TDO2: variants seen among roughly 807,000 people sequenced by gnomAD.
The protein encoded by TDO2 is tryptophan 2,3-dioxygenase.
In TDO2, 63 loss-of-function variants were observed where a neutral mutation model predicts 61.2. That is an observed-to-expected ratio of 1.03 (90% CI 0.84 to 1.27). TDO2 has a LOEUF of 1.27. Ranked by LOEUF, TDO2 falls within the 50% of genes most tolerant of loss-of-function variation. The pLI, the probability that TDO2 is intolerant of heterozygous loss-of-function variation, is 0.00. For synonymous variants in TDO2, 183 were observed against 164.0 expected (o/e 1.12, Z -0.89); for missense variants, 494 against 469.5 (o/e 1.05, Z -0.48).
chr4:155,912,496 T>A, intron 7 of TDO2, among the ~76,000 whole-genome samples: 1 of 152,162 alleles, frequency 6.6e-6, no homozygotes, highest in South Asian at 2.1e-4. Flanking sequence ...TAATGACTAC[T>A]ACTTATTCTT....
In TDO2 at chr4:155,910,214, A is replaced by G; in HGVS notation, c.618+3A>G. On this transcript the variant is annotated splice_donor_region_variant and intron_variant, in intron 6 of 11. Coordinates refer to ENST00000536354, the MANE Select transcript of TDO2 (RefSeq NM_005651.4). ...AGACACTTCTGGAATTAGTGGAGGTATGGATTCATACAATTTATAAAGTTT... is the reference window on the plus strand; with the variant it reads ...AGACACTTCTGGAATTAGTGGAGGTGTGGATTCATACAATTTATAAAGTTT... 1.3e-6 allele frequency: 2 copies of G among 1,558,718 alleles called. No individual in the cohort carries two copies. The highest frequency in any genetic ancestry group is 1.7e-6 in the Non-Finnish European group (2 of 1,160,442).
rs1742741289 is a variant in TDO2, at chr4:155,907,638, C to T, written c.233-84C>T. On this transcript the variant is annotated intron_variant, in intron 3 of 11. Transcript: ENST00000536354. Reference sequence around the variant, plus strand: ...TAAGGTAACATTTTAATTTCTCTTTCAACATGTTAAACATATCTTTCATAT... The same window carrying T: ...TAAGGTAACATTTTAATTTCTCTTTTAACATGTTAAACATATCTTTCATAT... The T allele has an allele frequency of 3.6e-6, 3 of 828,174 alleles. No individual in the cohort carries two copies. The South Asian group carries it at 4.7e-5, about 13-fold the overall frequency. The allele number at this position is 828,174 out of a possible 1,614,324, so 51.3% of individuals were successfully genotyped here. A position where few individuals can be genotyped will look rare whatever the true frequency, so the allele number is the denominator to read the frequency against.
Position 155,919,689 on chromosome 4 carries a change from A to T in TDO2, c.1068-148A>T, listed in dbSNP as rs1013527084. The T allele has an allele frequency of 1.2e-5, 8 of 645,364 alleles. No homozygotes were observed. In the Admixed American group the frequency reaches 2.1e-4, roughly 17 times the overall value. 40.0% of individuals were successfully genotyped at this position (645,364 alleles called of 1,614,324 possible). A position where few individuals can be genotyped will look rare whatever the true frequency, so the allele number is the denominator to read the frequency against. ...CAATACTAATACTACATAATACCTA[A>T]TTTAATATATGATATATACAACATG... On this transcript the variant is annotated intron_variant, in intron 11 of 11. Transcript: ENST00000536354.
chr4:155,912,167 C>T (rs1328912978), intron 7 of TDO2, among the ~76,000 whole-genome samples: 1 of 152,158 alleles, frequency 6.6e-6, no homozygotes, highest in Non-Finnish European at 1.5e-5. Context: ...AGTCATGCTA[C>T]TTGGGTTCCA....
In TDO2 at chr4:155,918,200, G is replaced by A. The variant is rs151132024; in HGVS notation, c.1028G>A (p.Gly343Asp). The A allele has an allele frequency of 1.5e-3, 2,485 of 1,614,110 alleles. 1 individual carries two copies. Among genetic ancestry groups the A allele is most frequent in the Admixed American group, 2.3e-3 (137 of 60,028 alleles). Reference sequence around the variant, plus strand: ...ATGCTGGGCAGCAAAGCTGGCACCGGTGGTTCCTCAGGCTATCACTACCTG... The same window carrying A: ...ATGCTGGGCAGCAAAGCTGGCACCGATGGTTCCTCAGGCTATCACTACCTG... ...HRMLGSKAGT[G>D]GSSGYHYLRS... The change falls in exon 11 of 12, where the codon GGT becomes GAT. Residue 343 changes from glycine (G) to aspartate (D), a missense_variant. By Grantham distance (94) the Gly-to-Asp change is moderately conservative. Coordinates refer to ENST00000536354, the MANE Select transcript of TDO2 (RefSeq NM_005651.4).
At chr4:155,910,644 G>A (rs149097570) in intron 6 of TDO2, among the ~76,000 whole-genome samples, 112 of 152,112 alleles carry the variant, frequency 7.4e-4, no homozygotes, top group Non-Finnish European at 1.5e-3. Flanking sequence ...CTCAGAAAAT[G>A]TTCCCTTCAT....
chr4:155,918,848 GGT>G (rs1029233869), intron 11 of TDO2: 3 of 152,088 alleles, frequency 2.0e-5, no homozygotes, highest in African/African-American at 7.2e-5. Flanking sequence ...AAACTTCTGT[GGT>G]CCCTTGAAAA....
At chr4:155,917,626 ACT>A in intron 10 of TDO2, 152 bp downstream of exon 10, 1 of 573,100 alleles carries the variant, frequency 1.7e-6, no homozygotes, top group African/African-American at 1.9e-5. Flanking sequence ...CTTGGCCATC[ACT>A]CTCTCCCAGG....
intron 8 of TDO2, among the ~76,000 whole-genome samples, chr4:155,915,097 A>C (rs956304353): frequency 6.6e-6 from 1 of 152,162 alleles, no homozygotes; most frequent in African/African-American, 2.4e-5. Context: ...CTTTCGGCAC[A>C]ATTAGTACTG....
At chr4:155,907,265 T>C (rs928817016) in intron 3 of TDO2, 5 of 152,854 alleles carry the variant, frequency 3.3e-5, no homozygotes, top group African/African-American at 1.2e-4. Flanking sequence ...GACAAAATGC[T>C]GCATTTTAAG....
At chr4:155,913,094 C>G (rs1579329314) in intron 7 of TDO2, among the ~76,000 whole-genome samples, 1 of 152,082 alleles carries the variant, frequency 6.6e-6, no homozygotes, top group African/African-American at 2.4e-5. Flanking sequence ...TCGTTTTTCA[C>G]CTGGACTATA....
intron 10 of TDO2, 73 bp downstream of exon 10, chr4:155,917,547 G>A: frequency 8.0e-7 from 1 of 1,242,804 alleles, no homozygotes; most frequent in Non-Finnish European, 1.1e-6. Context: ...GGTCTTCTGT[G>A]TGCCCTCCTG....
chr4:155,908,881 CT>C lies in TDO2; in HGVS notation c.304-4del. 1 of 1,607,442 alleles carries C rather than the reference CT, an allele frequency of 6.2e-7. No individual in the cohort carries two copies. The highest frequency in any genetic ancestry group is 2.2e-5 in the East Asian group (1 of 44,526). On this transcript the variant is annotated splice_polypyrimidine_tract_variant and splice_region_variant and intron_variant, in intron 4 of 11. Transcript: ENST00000536354. ...CTAACTCAGTGTTTCATTTCTTAAC[CT>C]TCAGGTCAGAGATGAAAGGAACATG...
At chr4:155,916,348 T>C (rs890861178) in intron 9 of TDO2, among the ~76,000 whole-genome samples, 2 of 127,442 alleles carry the variant, frequency 1.6e-5, no homozygotes, top group African/African-American at 5.7e-5. Context: ...TTTTGTATTT[T>C]TAGTAGAGAC....
chr4:155,911,734 G>A, intron 7 of TDO2, 130 bp downstream of exon 7: 1 of 581,596 alleles, frequency 1.7e-6, no homozygotes, highest in Non-Finnish European at 2.8e-6. Flanking sequence ...GTATTTTCTT[G>A]GACTATGTGA....
Position 155,915,914 on chromosome 4 carries a change from T to C in TDO2, c.896+2T>C. 6.2e-7 allele frequency: 1 copy of C among 1,605,826 alleles called. No homozygotes were observed. Among genetic ancestry groups the C allele is most frequent in the Non-Finnish European group, 8.5e-7 (1 of 1,176,712 alleles). ...AGCATTGATGATATATTTTTACAGG[T>C]AAAGCAAATCCGAAGAGAGACTGAA... On this transcript the variant is annotated splice_donor_variant, in intron 9 of 11. Transcript: ENST00000536354. LOFTEE classifies it high-confidence loss of function.
At chr4:155,918,976 A>G (rs927931542) in intron 11 of TDO2, 2 of 152,210 alleles carry the variant, frequency 1.3e-5, no homozygotes, top group Non-Finnish European at 2.9e-5. Flanking sequence ...TCTGAAATAC[A>G]CAGGTTTAAA....
At chr4:155,904,231 G>A (rs980938719) in intron 2 of TDO2, 108 bp downstream of exon 2, 11 of 760,306 alleles carry the variant, frequency 1.4e-5, no homozygotes, top group Middle Eastern at 2.3e-4. Flanking sequence ...GTCACCAATC[G>A]TTTTCTGGAC....
At chr4:155,916,968 A>C (rs1459053060) in intron 9 of TDO2, among the ~76,000 whole-genome samples, 1 of 151,262 alleles carries the variant, frequency 6.6e-6, no homozygotes, top group Non-Finnish European at 1.5e-5. Flanking sequence ...AACAAAACAA[A>C]ACAAAACAAC....
Sources: gnomAD v4.1 joint callset for allele counts (sites outside exome capture counted in the v4.1 genomes callset) on GRCh38, gnomAD v4.1.1 for gene constraint, MANE v1.5 for transcripts, NCBI Gene and HGNC (gene_info 2026-07-23, HGNC 2026-07-21) for gene names.